Variants in NALF1 observed in about 807,000 individuals in gnomAD.
NALF1 encodes the protein NALCN channel auxiliary factor 1, also known as family with sequence similarity 155 member A.
Under a neutral mutation model 48.4 loss-of-function variants are expected in NALF1, and 3 were observed. The observed-to-expected ratio is 0.06, with a 90% CI of 0.03 to 0.16. The LOEUF (loss-of-function observed/expected upper bound fraction) is 0.16, where lower values mean the gene tolerates loss of function less well. NALF1 is among the 10% of genes least tolerant of loss of function. The pLI is 1.00. For synonymous variants in NALF1, 262 were observed against 245.7 expected, an observed-to-expected ratio of 1.07 and a Z score of -0.62; for missense variants, 526 against 571.5, an observed-to-expected ratio of 0.92 and a Z score of 0.81.
At chr13:107,608,194 C>T (rs1448092368) in intron 1 of NALF1, among the ~76,000 whole-genome samples, 2 of 152,184 alleles carry the variant, frequency 1.3e-5, no homozygotes, top group Non-Finnish European at 2.9e-5. Context: ...GGTAAAACAG[C>T]TTCTCCCAGC....
chr13:107,367,602 G>A (rs1259474381), intron 1 of NALF1, among the ~76,000 whole-genome samples: 2 of 152,164 alleles, frequency 1.3e-5, no homozygotes, highest in Non-Finnish European at 2.9e-5. Context: ...CAGCTTCACC[G>A]GGAGCCTCGT....
chr13:107,336,618 C>A (rs1882562353), intron 1 of NALF1, among the ~76,000 whole-genome samples: 1 of 152,114 alleles, frequency 6.6e-6, no homozygotes, highest in South Asian at 2.1e-4. Flanking sequence ...TCTCAACCAA[C>A]CCTGTCCTCC....
chr13:107,625,552 CA>C (rs1033679905), intron 1 of NALF1, among the ~76,000 whole-genome samples: 90 of 152,110 alleles, frequency 5.9e-4, no homozygotes, highest in African/African-American at 1.8e-3. Context: ...ACAGTCTAAA[CA>C]AAATGTTTCT....
At chr13:107,770,329 TCTC>T (rs1166446357) in intron 1 of NALF1, among the ~76,000 whole-genome samples, 1 of 152,182 alleles carries the variant, frequency 6.6e-6, no homozygotes, top group Non-Finnish European at 1.5e-5. Context: ...GTTGTTTAGT[TCTC>T]CTTGAAAGTG....
intron 1 of NALF1, among the ~76,000 whole-genome samples, chr13:107,508,833 T>C (rs1435438080): frequency 2.0e-5 from 3 of 151,730 alleles, no homozygotes; most frequent in Non-Finnish European, 2.9e-5. Flanking sequence ...AACCAATCTT[T>C]CACTTATTAA....
rs114247137 is a variant in NALF1 at position 107,534,181 on chromosome 13, G to A, written c.916-323426C>T. 2.4e-3 allele frequency among the ~76,000 whole-genome samples: 371 copies of A among 152,174 alleles called. 1 individual carries two copies. The highest frequency in any genetic ancestry group is 8.7e-3 in the African/African-American group (362 of 41,530). On this transcript the variant is annotated intron_variant, in intron 1 of 2. Coordinates refer to ENST00000375915, the MANE Select transcript of NALF1 (RefSeq NM_001080396.3). ...GACCTATGAAATCAGAAACTCTGCCGTGGTGCCCAGAGATGTATTTTCACA... is the reference window on the plus strand; with the variant it reads ...GACCTATGAAATCAGAAACTCTGCCATGGTGCCCAGAGATGTATTTTCACA...
chr13:107,546,929 T>C (rs1042052804), intron 1 of NALF1, among the ~76,000 whole-genome samples: 6 of 152,198 alleles, frequency 3.9e-5, no homozygotes, highest in East Asian at 1.9e-4. Flanking sequence ...AGCCTAGTAT[T>C]CTAAACCCAA....
At chr13:107,191,500 A>C (rs2138784552) in intron 2 of NALF1, among the ~76,000 whole-genome samples, 1 of 152,250 alleles carries the variant, frequency 6.6e-6, no homozygotes, top group Admixed American at 6.5e-5. Context: ...AAACTGAGAA[A>C]ATTTTTAAAA....
chr13:107,763,942 T>C (rs767659211), intron 1 of NALF1, among the ~76,000 whole-genome samples: 1 of 152,142 alleles, frequency 6.6e-6, no homozygotes. Flanking sequence ...GCATTATATA[T>C]CTAAATTGAT....
At chr13:107,382,754 C>CA (rs1407009011) in intron 1 of NALF1, among the ~76,000 whole-genome samples, 4 of 152,208 alleles carry the variant, frequency 2.6e-5, no homozygotes, top group African/African-American at 7.2e-5. Context: ...AAATGCCCCC[C>CA]ACTTAACCAA....
chr13:107,866,240 T>C lies in NALF1; in HGVS notation c.357A>G (p.Ala119=), dbSNP rs375872943. 206 of 1,594,092 alleles carry C rather than the reference T, an allele frequency of 1.3e-4. 1 individual carries two copies. In the Middle Eastern group the frequency reaches 2.9e-3, roughly 22 times the overall value. ...SMGESSPAAQ[A]HRLLSASSSP... The stretch of plus-strand genomic sequence containing the variant: ...ACGAGGAGGCGGAGAGGAGTCTGTG[T>C]GCCTGGGCGGCGGGCGAGGACTCCC... Residue 119 remains alanine (A), a synonymous_variant, in exon 1 of 3, where the codon GCA becomes GCG. Transcript: ENST00000375915. This position sits in a 1 kb window ranked among gnomAD's most constrained non-coding sequence, Gnocchi z 4.4.
intron 1 of NALF1, among the ~76,000 whole-genome samples, chr13:107,307,309 A>G (rs1292908327): frequency 6.6e-6 from 1 of 152,162 alleles, no homozygotes; most frequent in East Asian, 1.9e-4. Context: ...ATTACTTGAG[A>G]CAAGAGATGA....
chr13:107,439,291 A>C (rs755476414), intron 1 of NALF1, among the ~76,000 whole-genome samples: 1 of 152,204 alleles, frequency 6.6e-6, no homozygotes, highest in Admixed American at 6.5e-5. Flanking sequence ...TATAACATCT[A>C]ACGAAAAATA....
intron 1 of NALF1, among the ~76,000 whole-genome samples, chr13:107,361,500 A>G (rs143160606): frequency 1.4e-4 from 22 of 152,330 alleles, no homozygotes; most frequent in African/African-American, 4.6e-4. Flanking sequence ...GATGTTAGAA[A>G]GAATCCAGAT....
intron 1 of NALF1, among the ~76,000 whole-genome samples, chr13:107,284,507 A>G (rs1426374351): frequency 6.6e-6 from 1 of 152,244 alleles, no homozygotes; most frequent in East Asian, 1.9e-4. Context: ...AATGTGTGAA[A>G]AAAACTAAAA....
rs116040116 is a variant in NALF1 at position 107,352,630 on chromosome 13, A to G, written c.916-141875T>C. 7.9e-3 allele frequency among the ~76,000 whole-genome samples: 1,210 copies of G among 152,264 alleles called. 17 individuals are homozygous for G. The highest frequency in any genetic ancestry group is 0.028 in the African/African-American group (1,152 of 41,558). On this transcript the variant is annotated intron_variant, in intron 1 of 2. Transcript: ENST00000375915. Reference sequence around the variant, plus strand: ...TTACTATAAAGAACTAATCCCATTCACAAGAGCTTTACCCTCATGACCTAA... The same window carrying G: ...TTACTATAAAGAACTAATCCCATTCGCAAGAGCTTTACCCTCATGACCTAA...
intron 1 of NALF1, among the ~76,000 whole-genome samples, chr13:107,521,141 T>G (rs2139096324): frequency 6.6e-6 from 1 of 152,292 alleles, no homozygotes; most frequent in Non-Finnish European, 1.5e-5. Flanking sequence ...GCCTGCATCT[T>G]TAAACTGCGA....
chr13:107,336,708 T>C (rs1255657168), intron 1 of NALF1, among the ~76,000 whole-genome samples: 1 of 152,156 alleles, frequency 6.6e-6, no homozygotes, highest in Non-Finnish European at 1.5e-5. Flanking sequence ...TTTTCAGTAG[T>C]AGTTTCTTTT....
At chr13:107,613,266 G>A (rs924299231) in intron 1 of NALF1, among the ~76,000 whole-genome samples, 1 of 152,122 alleles carries the variant, frequency 6.6e-6, no homozygotes, top group African/African-American at 2.4e-5. Context: ...TATATTAAGA[G>A]GCAACCAATG....
Sources: allele counts gnomAD v4.1 joint callset (sites outside exome capture counted in the v4.1 genomes callset), GRCh38; gene constraint gnomAD v4.1.1; non-coding constraint Gnocchi (gnomAD v3.1); transcripts MANE v1.5; gene names NCBI Gene and HGNC (gene_info 2026-07-23, HGNC 2026-07-21).